TC2N: variants seen among roughly 807,000 people sequenced by gnomAD.
TC2N encodes the protein tandem C2 domains, nuclear.
Under a neutral mutation model 61.9 loss-of-function variants are expected in TC2N, and 51 were observed. The ratio of observed to expected loss-of-function variants is 0.82; its 90% CI spans 0.66 to 1.04. The LOEUF (loss-of-function observed/expected upper bound fraction) is 1.04, where lower values mean the gene tolerates loss of function less well. Ranked by LOEUF, TC2N falls within the 50% of genes least tolerant of loss-of-function variation. TC2N has a pLI of 0.00. For missense variants in TC2N, 556 were observed against 566.7 expected (o/e 0.98, Z 0.19); for synonymous variants, 204 against 192.6 (o/e 1.06, Z -0.49).
At chr14:91,854,508 TGGA>T (rs111798033) in intron 1 of TC2N, among the ~76,000 whole-genome samples, 2,521 of 95,006 alleles carry the variant, frequency 0.027, 87 homozygotes, top group African/African-American at 0.092. Context: ...GAGAAGGAGG[TGGA>T]GGAGGAGGAG....
chr14:91,835,239 C>T (rs1175459338), intron 1 of TC2N, among the ~76,000 whole-genome samples: 1 of 152,122 alleles, frequency 6.6e-6, no homozygotes, highest in South Asian at 2.1e-4. Context: ...TTACAAAATA[C>T]AAAAGAGATG....
chr14:91,780,920 C>T lies in TC2N; in HGVS notation c.*2180G>A, dbSNP rs1727849849. The T allele has an allele frequency of 6.6e-6, 1 of 152,040 alleles. No individual in the cohort carries two copies. Among genetic ancestry groups the T allele is most frequent in the African/African-American group, 2.4e-5 (1 of 41,382 alleles). 9.4% of individuals were successfully genotyped at this position (152,040 alleles called of 1,614,324 possible). A position where few individuals can be genotyped will look rare whatever the true frequency, so the allele number is the denominator to read the frequency against. ...AAACACTAATTAAAACATTTAGGAT[C>T]TTAGTTGTATCAATACTTCTGTACC... On this transcript the variant is annotated 3_prime_UTR_variant, in exon 12 of 12. Transcript: ENST00000435962.
chr14:91,791,159 AAGGG>A (rs1566761595), intron 9 of TC2N, among the ~76,000 whole-genome samples: 2 of 67,296 alleles, frequency 3.0e-5, no homozygotes, highest in East Asian at 1.0e-3. Context: ...AAGGGAGGGG[AAGGG>A]AAGGGAAGGG....
intron 9 of TC2N, among the ~76,000 whole-genome samples, chr14:91,789,011 A>T (rs1282005563): frequency 6.6e-6 from 1 of 152,190 alleles, no homozygotes; most frequent in Admixed American, 6.5e-5. Context: ...CTTGGCATTT[A>T]AAAAATATAT....
chr14:91,829,051 TAA>T lies in TC2N; in HGVS notation c.-56-15228_-56-15227del, dbSNP rs34714993. On this transcript the variant is annotated intron_variant, in intron 1 of 11. Transcript: ENST00000435962. ...GCTGCTAGCATAACCACTGTTCTTTTAAAAAAAAAAAAAAATCTTTTGTCTAG... is the reference window on the plus strand; with the variant it reads ...GCTGCTAGCATAACCACTGTTCTTTTAAAAAAAAAAAAATCTTTTGTCTAG... 2.3e-3 allele frequency among the ~76,000 whole-genome samples: 338 copies of T among 144,910 alleles called. 1 individual carries two copies. The highest frequency in any genetic ancestry group is 8.0e-3 in the African/African-American group (320 of 39,874).
intron 6 of TC2N, 128 bp from the exon 7 acceptor site, chr14:91,798,527 C>A: frequency 1.6e-6 from 1 of 613,858 alleles, no homozygotes; most frequent in Non-Finnish European, 2.9e-6. Flanking sequence ...AGTTCACAAT[C>A]TAAGAAGACA....
intron 8 of TC2N, among the ~76,000 whole-genome samples, chr14:91,794,501 CACTT>C (rs1470190323): frequency 6.6e-6 from 1 of 152,144 alleles, no homozygotes; most frequent in Non-Finnish European, 1.5e-5. Context: ...AGCCAACACT[CACTT>C]ACCGTTTTGA....
chr14:91,817,393 A>C (rs1038734867), intron 1 of TC2N, among the ~76,000 whole-genome samples: 1 of 151,932 alleles, frequency 6.6e-6, no homozygotes, highest in African/African-American at 2.4e-5. Context: ...TCAAACGAAT[A>C]GTCTCTCATC....
At chr14:91,835,737 G>T (rs1887967829) in intron 1 of TC2N, among the ~76,000 whole-genome samples, 2 of 152,188 alleles carry the variant, frequency 1.3e-5, no homozygotes, top group African/African-American at 4.8e-5. Flanking sequence ...ACACCCTTTC[G>T]CCACTTCACA....
intron 1 of TC2N, among the ~76,000 whole-genome samples, chr14:91,854,455 A>AGGGGGAGGGGAAGGAGGAGGAGAT (rs1888440804): frequency 1.4e-5 from 1 of 71,868 alleles, no homozygotes. Context: ...GAGATAGGAG[A>AGGGGGAGGGGAAGGAGGAGGAGAT]GGGGGAGGGG....
At chr14:91,845,838 C>T (rs1888259741) in intron 1 of TC2N, among the ~76,000 whole-genome samples, 1 of 152,226 alleles carries the variant, frequency 6.6e-6, no homozygotes, top group South Asian at 2.1e-4. Flanking sequence ...TCTCTAATTA[C>T]TTCCTCAATG....
At chr14:91,845,360 A>G (rs1305921857) in intron 1 of TC2N, among the ~76,000 whole-genome samples, 1 of 152,220 alleles carries the variant, frequency 6.6e-6, no homozygotes, top group Non-Finnish European at 1.5e-5. Flanking sequence ...AACTTCTCCA[A>G]GATCACAAAG....
chr14:91,807,430 G>T (rs1385917928), intron 3 of TC2N, among the ~76,000 whole-genome samples: 2 of 152,210 alleles, frequency 1.3e-5, no homozygotes, highest in Non-Finnish European at 2.9e-5. Flanking sequence ...AGCCACAGGG[G>T]TGGAGCTGCC....
rs1221867929 is a variant in TC2N, at chr14:91,779,963, T to C, written c.*3137A>G. On this transcript the variant is annotated 3_prime_UTR_variant, in exon 12 of 12. Transcript: ENST00000435962. Reference sequence around the variant, plus strand: ...AACTCTTTTAATATATTTCTAAATCTTAAATCTATATTTCAAAATGAACAT... The same window carrying C: ...AACTCTTTTAATATATTTCTAAATCCTAAATCTATATTTCAAAATGAACAT... 1 of 152,220 alleles carries C rather than the reference T, an allele frequency of 6.6e-6. No homozygotes were observed. The highest frequency in any genetic ancestry group is 1.5e-5 in the Non-Finnish European group (1 of 68,038). 9.4% of individuals were successfully genotyped at this position (152,220 alleles called of 1,614,324 possible).
chr14:91,803,913 C>T (rs145250981), intron 3 of TC2N, among the ~76,000 whole-genome samples: 2 of 152,288 alleles, frequency 1.3e-5, no homozygotes, highest in African/African-American at 2.4e-5. Flanking sequence ...CCAGGCCCGA[C>T]CCTGCTTAGC....
chr14:91,820,854 A>G (rs1384053755), intron 1 of TC2N, among the ~76,000 whole-genome samples: 8 of 152,068 alleles, frequency 5.3e-5, no homozygotes, highest in African/African-American at 1.7e-4. Context: ...TCCATTCATA[A>G]TAACATTTTT....
chr14:91,848,699 C>T (rs1324532393), intron 1 of TC2N, among the ~76,000 whole-genome samples: 1 of 152,172 alleles, frequency 6.6e-6, no homozygotes, highest in Non-Finnish European at 1.5e-5. Context: ...TCCGTCTACT[C>T]ACATGAAAAA....
At position 91,782,983 on chromosome 14, in the gene TC2N, T is replaced by C; in HGVS notation, c.*117A>G. The stretch of plus-strand genomic sequence containing the variant: ...TATCAGATACATTATATACCATAAT[T>C]ATAGCCCCCATAAATTGACAAATTT... On this transcript the variant is annotated 3_prime_UTR_variant, in exon 12 of 12. Transcript: ENST00000435962. The C allele has an allele frequency of 1.5e-6, 1 of 656,072 alleles. No homozygotes were observed. Among genetic ancestry groups the C allele is most frequent in the Non-Finnish European group, 2.7e-6 (1 of 368,938 alleles). 40.6% of individuals were successfully genotyped at this position (656,072 alleles called of 1,614,324 possible).
intron 3 of TC2N, among the ~76,000 whole-genome samples, chr14:91,804,531 C>A (rs1340647122): frequency 6.6e-6 from 1 of 152,046 alleles, no homozygotes; most frequent in African/African-American, 2.4e-5. Flanking sequence ...GTACACTATG[C>A]CATTTAGAAT....
Sources: gnomAD v4.1 joint callset for allele counts (sites outside exome capture counted in the v4.1 genomes callset) on GRCh38, gnomAD v4.1.1 for gene constraint, MANE v1.5 for transcripts, NCBI Gene and HGNC (gene_info 2026-07-23, HGNC 2026-07-21) for gene names.